SIN3A: variants seen among roughly 807,000 people sequenced by gnomAD.
SIN3A encodes paired amphipathic helix protein Sin3a.
Under a neutral mutation model 146.1 loss-of-function variants are expected in SIN3A, and 14 were observed. That is an observed-to-expected ratio of 0.10 (90% confidence interval 0.06 to 0.15). The LOEUF (loss-of-function observed/expected upper bound fraction) is 0.15. Ranked by LOEUF, SIN3A falls within the 10% of genes least tolerant of loss-of-function variation. The pLI is 1.00. For missense variants in SIN3A, 1,028 were observed against 1,576.0 expected (o/e 0.65, Z 5.89); for synonymous variants, 572 against 572.0 (o/e 1.00, Z 0.00).
At chr15:75,376,978 C>G (rs1480792780) in intron 19 of SIN3A, among the ~76,000 whole-genome samples, 2 of 151,846 alleles carry the variant, frequency 1.3e-5, no homozygotes, top group African/African-American at 4.8e-5. Flanking sequence ...AGGACCCTTT[C>G]AGGAGATCTG....
chr15:75,371,952 C>T lies in SIN3A; in HGVS notation c.*27G>A, dbSNP rs2072759321. 1 of 1,600,100 alleles carries T rather than the reference C, an allele frequency of 6.2e-7. No individual in the cohort carries two copies. Among genetic ancestry groups the T allele is most frequent in the South Asian group, 1.1e-5 (1 of 90,698 alleles). ...CCCACACACACATCCCCACACACAC[C>T]CCAAGTTATCTGCTCTGGCTTTGCA... is the stretch of plus-strand genomic sequence containing the variant. On this transcript the variant is annotated 3_prime_UTR_variant, in exon 21 of 21. Transcript: ENST00000394947.
In SIN3A at chr15:75,411,708, C is replaced by A; in HGVS notation, c.792G>T (p.Gln264His). The part of the protein sequence containing the change: ...SQLQAHTPAS[Q>H]QTPPLPPYAS... ...CATACGGTGGAAGTGGGGGAGTCTGCTGACTGGCCGGAGTATGTGCTTGCA... is the reference window on the plus strand; with the variant it reads ...CATACGGTGGAAGTGGGGGAGTCTGATGACTGGCCGGAGTATGTGCTTGCA... The change falls in exon 6 of 21, where the codon CAG (glutamine) becomes CAT (histidine). Residue 264 changes from glutamine (Q) to histidine (H), a missense_variant. Physicochemically the swap from Gln to His is conservative, Grantham distance 24 (BLOSUM62 0). Transcript: ENST00000394947. 1 of 1,610,902 alleles carries A rather than the reference C, an allele frequency of 6.2e-7. No homozygotes were observed. Among genetic ancestry groups the A allele is most frequent in the Non-Finnish European group, 8.5e-7 (1 of 1,177,822 alleles).
intron 1 of SIN3A, among the ~76,000 whole-genome samples, chr15:75,437,870 A>G (rs1375463363): frequency 6.6e-6 from 1 of 152,200 alleles, no homozygotes; most frequent in Non-Finnish European, 1.5e-5. Context: ...TTTAAAGGTC[A>G]CCTGGTGGGC....
At chr15:75,389,203 A>G (rs2073149326) in intron 16 of SIN3A, among the ~76,000 whole-genome samples, 1 of 152,124 alleles carries the variant, frequency 6.6e-6, no homozygotes, top group Admixed American at 6.6e-5. Flanking sequence ...GCTCGTGTCT[A>G]TAATCCCAGC....
At position 75,413,006 on chromosome 15, in the gene SIN3A, T is replaced by C. The variant is rs2073670420; in HGVS notation, c.513A>G (p.Leu171=). 6.2e-7 allele frequency: 1 copy of C among 1,613,816 alleles called. No individual in the cohort carries two copies. Among genetic ancestry groups the C allele is most frequent in the South Asian group, 1.1e-5 (1 of 91,042 alleles). ...TTATCAGATCGGGGTGGCCTTTGAA[T>C]AGCTGGGACACACGACTAATCACTC... ...TPGVISRVSQ[L]FKGHPDLIMG... is the part of the protein sequence containing the mutation. The change falls in exon 5 of 21, where the codon CTA becomes CTG. Residue 171 remains leucine, a synonymous_variant. Coordinates refer to ENST00000394947, the MANE Select transcript of SIN3A (RefSeq NM_001145358.2).
chr15:75,453,349 TAAGTC>T (rs1201049888), upstream of SIN3A: 6 of 152,078 alleles, frequency 3.9e-5, no homozygotes, highest in African/African-American at 1.5e-4. Context: ...GCTCTAAAAA[TAAGTC>T]AGACCAACGA....
chr15:75,376,183 G>T, intron 19 of SIN3A: 4 of 392,642 alleles, frequency 1.0e-5, no homozygotes, highest in Admixed American at 4.1e-5. Flanking sequence ...TTCTGCTTTG[G>T]GATTTGTTTT....
intron 6 of SIN3A, 152 bp from the exon 7 acceptor site, chr15:75,410,438 T>C: frequency 1.5e-6 from 1 of 679,050 alleles, no homozygotes; most frequent in East Asian, 2.9e-5. Context: ...GACTTTCAAG[T>C]TGAGAAAAAA....
intron 2 of SIN3A, among the ~76,000 whole-genome samples, chr15:75,424,530 G>T (rs1000682263): frequency 1.3e-5 from 2 of 152,140 alleles, no homozygotes; most frequent in African/African-American, 4.8e-5. Flanking sequence ...CTGGAGTGCA[G>T]TGGTACAATC....
At chr15:75,414,182 G>C in intron 4 of SIN3A, 23 bp downstream of exon 4, 2 of 1,224,292 alleles carry the variant, frequency 1.6e-6, no homozygotes, top group Non-Finnish European at 2.3e-6. Flanking sequence ...TACAAAGCTT[G>C]AGTACAATCA....
chr15:75,404,787 C>T (rs948568960), intron 9 of SIN3A, among the ~76,000 whole-genome samples: 1 of 151,152 alleles, frequency 6.6e-6, no homozygotes, highest in Non-Finnish European at 1.5e-5. Context: ...AACAAAAAAA[C>T]AAAAACAAAA....
chr15:75,385,330 T>TAG (rs941442271), intron 16 of SIN3A, among the ~76,000 whole-genome samples: 1 of 152,246 alleles, frequency 6.6e-6, no homozygotes, highest in Non-Finnish European at 1.5e-5. Context: ...TCCTGACTCC[T>TAG]AGCCCAATAC....
At chr15:75,381,471 A>G in intron 18 of SIN3A, 142 bp downstream of exon 18, 1 of 647,336 alleles carries the variant, frequency 1.5e-6, no homozygotes, top group Non-Finnish European at 2.7e-6. Flanking sequence ...GGCTGGATTG[A>G]CTTGTACTTT....
rs2072757767 is a variant in SIN3A at position 75,371,885 on chromosome 15, G to A, written c.*94C>T. On this transcript the variant is annotated 3_prime_UTR_variant, in exon 21 of 21. Coordinates refer to ENST00000394947, the MANE Select transcript of SIN3A (RefSeq NM_001145358.2). The stretch of plus-strand genomic sequence containing the variant: ...GTCCCAGAGAGGCCCAGTGAGGCTT[G>A]AAAGGCATCTTCCTTGTTTCTTCAG... 1.7e-6 allele frequency: 2 copies of A among 1,178,966 alleles called. No individual in the cohort carries two copies. The highest frequency in any genetic ancestry group is 3.0e-5 in the African/African-American group (2 of 66,176). The allele number at this position is 1,178,966 out of a possible 1,614,324, so 73.0% of individuals were successfully genotyped here. A position where few individuals can be genotyped will look rare whatever the true frequency, so the allele number is the denominator to read the frequency against.
At chr15:75,422,283 G>A (rs996277093) in intron 3 of SIN3A, 17 of 447,706 alleles carry the variant, frequency 3.8e-5, no homozygotes, top group Non-Finnish European at 2.8e-5. Context: ...ATATATTACT[G>A]GGCCAATTTA....
chr15:75,434,635 G>A (rs1456306767), intron 1 of SIN3A, among the ~76,000 whole-genome samples: 2 of 131,380 alleles, frequency 1.5e-5, no homozygotes, highest in Admixed American at 7.7e-5. Context: ...GGGCAATAGA[G>A]TGGAACTGTC....
At chr15:75,433,663 A>G (rs988603051) in intron 1 of SIN3A, among the ~76,000 whole-genome samples, 5 of 152,038 alleles carry the variant, frequency 3.3e-5, no homozygotes, top group Non-Finnish European at 5.9e-5. Context: ...ACAAAAAATT[A>G]GCCAGGCGTA....
intron 9 of SIN3A, among the ~76,000 whole-genome samples, chr15:75,404,439 T>C (rs1285067005): frequency 1.3e-5 from 2 of 152,180 alleles, no homozygotes; most frequent in Non-Finnish European, 2.9e-5. Flanking sequence ...AGATATAGTA[T>C]ATATGTTTAA....
chr15:75,449,329 G>A (rs539697643), intron 1 of SIN3A, among the ~76,000 whole-genome samples: 2 of 152,244 alleles, frequency 1.3e-5, no homozygotes, highest in East Asian at 1.9e-4. Flanking sequence ...TACCACTCAG[G>A]CCCTACTAAC....
Sources: gnomAD v4.1 joint callset for allele counts (sites outside exome capture counted in the v4.1 genomes callset) on GRCh38, gnomAD v4.1.1 for gene constraint, MANE v1.5 for transcripts, NCBI Gene and HGNC (gene_info 2026-07-23, HGNC 2026-07-21) for gene names.